The following AMN1 variants were observed in gnomAD, a reference collection of about 807,000 sequenced individuals.
The protein encoded by AMN1 is protein AMN1 homolog.
A neutral mutation model predicts 33.0 loss-of-function variants in AMN1; 20 were observed. The observed-to-expected ratio is 0.61, with a 90% CI of 0.43 to 0.88. AMN1 has a LOEUF of 0.88. AMN1 is among the 40% of genes least tolerant of loss of function. The pLI is 0.00. For missense variants in AMN1, 246 were observed against 307.4 expected (o/e 0.80, Z 1.49); for synonymous variants, 114 against 111.9 (o/e 1.02, Z -0.12).
intron 2 of AMN1, among the ~76,000 whole-genome samples, chr12:31,707,813 T>C (rs1939306490): frequency 6.6e-6 from 1 of 152,174 alleles, no homozygotes; most frequent in Non-Finnish European, 1.5e-5. Flanking sequence ...TATTACATGT[T>C]GCGGGAAGTC....
chr12:31,718,777 G>A (rs1939773801), intron 1 of AMN1, among the ~76,000 whole-genome samples: 1 of 152,216 alleles, frequency 6.6e-6, no homozygotes, highest in African/African-American at 2.4e-5. Flanking sequence ...CTGCCCCAGA[G>A]GTGGAATCTA....
chr12:31,711,168 C>G (rs1433930190), intron 1 of AMN1, among the ~76,000 whole-genome samples: 1 of 152,038 alleles, frequency 6.6e-6, no homozygotes, highest in East Asian at 1.9e-4. Context: ...GCCACCGCAC[C>G]CAGCCCTATT....
intron 3 of AMN1, among the ~76,000 whole-genome samples, chr12:31,699,983 G>C (rs1938918643): frequency 6.6e-6 from 1 of 152,112 alleles, no homozygotes; most frequent in African/African-American, 2.4e-5. Context: ...TTTTATTGGA[G>C]AAGTTCTTTT....
At chr12:31,719,328 T>C in intron 1 of AMN1, 1 of 982,616 alleles carries the variant, frequency 1.0e-6, no homozygotes, top group Non-Finnish European at 1.2e-6. Context: ...AATTTCTTTT[T>C]AATGATATAA....
intron 5 of AMN1, among the ~76,000 whole-genome samples, chr12:31,690,106 T>C (rs1424563060): frequency 1.3e-5 from 2 of 152,182 alleles, no homozygotes; most frequent in Non-Finnish European, 2.9e-5. Flanking sequence ...TTTTTATGGC[T>C]GAGTAGTATT....
chr12:31,699,285 G>A (rs181590927), intron 3 of AMN1, among the ~76,000 whole-genome samples: 30 of 150,322 alleles, frequency 2.0e-4, no homozygotes, highest in Admixed American at 9.3e-4. Flanking sequence ...CAGCTACTCC[G>A]GAGGCTGAGG....
chr12:31,689,543 AATCTC>A (rs1451340052), intron 5 of AMN1, among the ~76,000 whole-genome samples: 4 of 152,224 alleles, frequency 2.6e-5, no homozygotes, highest in Non-Finnish European at 5.9e-5. Flanking sequence ...AATAGACATA[AATCTC>A]AAACATGTTA....
chr12:31,675,016 AG>A (rs1281401377), intron 6 of AMN1, among the ~76,000 whole-genome samples: 2 of 129,992 alleles, frequency 1.5e-5, no homozygotes, highest in African/African-American at 5.7e-5. Context: ...AGCAAGACCC[AG>A]TGTCAAAAAA....
In AMN1 at chr12:31,689,957, T is replaced by G. The variant is rs985617876; in HGVS notation, c.592-839A>C. On this transcript the variant is annotated intron_variant, in intron 5 of 6. Coordinates refer to ENST00000281471, the MANE Select transcript of AMN1 (RefSeq NM_001113402.2). ...CCCAAAGTCCATTATGTCATTCTTA[T>G]GCATTTGCATCCTCATAATTTAGCT... 5.3e-5 allele frequency among the ~76,000 whole-genome samples: 8 copies of G among 152,320 alleles called. No individual in the cohort carries two copies. In the South Asian group the frequency reaches 1.2e-3, roughly 24 times the overall value.
At chr12:31,724,841 T>C (rs1592180311) in intron 1 of AMN1, among the ~76,000 whole-genome samples, 1 of 152,294 alleles carries the variant, frequency 6.6e-6, no homozygotes, top group South Asian at 2.1e-4. Flanking sequence ...AGCAGGGAGT[T>C]GGGACAGAAA....
intron 2 of AMN1, among the ~76,000 whole-genome samples, chr12:31,703,675 G>A (rs983245686): frequency 6.6e-6 from 1 of 152,132 alleles, no homozygotes; most frequent in African/African-American, 2.4e-5. Context: ...TTTAAAAAAC[G>A]CTTTGAAGAA....
At chr12:31,709,527 T>C in intron 1 of AMN1, 102 bp from the exon 2 acceptor site, 1 of 1,416,032 alleles carries the variant, frequency 7.1e-7, no homozygotes, top group Non-Finnish European at 9.4e-7. Flanking sequence ...CATAAAAGTG[T>C]GTACATTTTG....
chr12:31,693,906 A>G (rs1938609376), intron 5 of AMN1, among the ~76,000 whole-genome samples: 1 of 150,898 alleles, frequency 6.6e-6, no homozygotes, highest in South Asian at 2.1e-4. Flanking sequence ...CCTGAGCTCA[A>G]GGGATCCACT....
intron 1 of AMN1, among the ~76,000 whole-genome samples, chr12:31,721,524 C>A (rs1939877626): frequency 6.6e-6 from 1 of 152,154 alleles, no homozygotes; most frequent in South Asian, 2.1e-4. Context: ...GGTCTCTGAT[C>A]CCTTAGGGGA....
At chr12:31,724,770 A>G (rs1245069530) in intron 1 of AMN1, among the ~76,000 whole-genome samples, 4 of 152,160 alleles carry the variant, frequency 2.6e-5, no homozygotes, top group African/African-American at 4.8e-5. Flanking sequence ...CAGAGGCTGT[A>G]CCATGTGTTT....
At chr12:31,706,593 C>G (rs977662592) in intron 2 of AMN1, among the ~76,000 whole-genome samples, 5 of 151,634 alleles carry the variant, frequency 3.3e-5, no homozygotes, top group Middle Eastern at 3.4e-3. Flanking sequence ...GGAGTAGTAT[C>G]GAAGGAAATT....
At chr12:31,728,846 C>T (rs1200824097) in intron 1 of AMN1, 125 bp downstream of exon 1, 8 of 1,012,806 alleles carry the variant, frequency 7.9e-6, no homozygotes, top group Non-Finnish European at 1.1e-5. Flanking sequence ...GAAACACACG[C>T]GGGGCCTCTT....
chr12:31,699,624 A>T (rs1420265591), intron 3 of AMN1, among the ~76,000 whole-genome samples: 1 of 151,984 alleles, frequency 6.6e-6, no homozygotes, highest in African/African-American at 2.4e-5. Context: ...ATCCTTTATA[A>T]TCTCTTAGAA....
intron 3 of AMN1, among the ~76,000 whole-genome samples, chr12:31,699,395 CAAAAAAAAAAAA>C (rs34860207): frequency 2.7e-5 from 1 of 36,870 alleles, no homozygotes; most frequent in South Asian, 1.7e-3. Context: ...GACTCTGTCT[CAAAAAAAAAAAA>C]AAAAAAAAAA....
Sources: allele counts gnomAD v4.1 joint callset (sites outside exome capture counted in the v4.1 genomes callset), GRCh38; gene constraint gnomAD v4.1.1; transcripts MANE v1.5; gene names NCBI Gene and HGNC (gene_info 2026-07-23, HGNC 2026-07-21).